Variants in CALD1 observed in about 807,000 individuals in gnomAD.
The protein encoded by CALD1 is caldesmon.
Under a neutral mutation model 99.9 loss-of-function variants are expected in CALD1, and 33 were observed. The observed-to-expected ratio is 0.33, with a 90% confidence interval of 0.25 to 0.44. The LOEUF (loss-of-function observed/expected upper bound fraction) is 0.44. CALD1 is among the 20% of genes least tolerant of loss of function. The probability of loss-of-function intolerance (pLI) is 1.00; values close to 1 mark genes in which losing one functional copy is unlikely to be tolerated. For synonymous variants in CALD1, 310 were observed against 325.0 expected, an observed-to-expected ratio of 0.95 and a Z score of 0.50; for missense variants, 861 against 962.1, an observed-to-expected ratio of 0.89 and a Z score of 1.39.
intron 1 of CALD1, among the ~76,000 whole-genome samples, chr7:134,808,359 C>T (rs1394284606): frequency 6.6e-6 from 1 of 152,202 alleles, no homozygotes; most frequent in Non-Finnish European, 1.5e-5. Context: ...CCTCCCAACT[C>T]GGCCTGCCAA....
the CALD1 span, among the ~76,000 whole-genome samples, chr7:134,737,991 C>T: frequency 3.9e-5 from 6 of 152,040 alleles, no homozygotes; most frequent in Non-Finnish European, 8.8e-5. Context: ...TGTTTTTTTC[C>T]ACAAAGAGAG....
chr7:134,832,724 G>C (rs1410736321), intron 1 of CALD1, among the ~76,000 whole-genome samples: 3 of 152,284 alleles, frequency 2.0e-5, no homozygotes, highest in African/African-American at 7.2e-5. Flanking sequence ...AACAACCTAA[G>C]TATCTGTGCA....
intron 9 of CALD1, among the ~76,000 whole-genome samples, chr7:134,950,954 A>G (rs1807290167): frequency 6.6e-6 from 1 of 152,174 alleles, no homozygotes; most frequent in African/African-American, 2.4e-5. Flanking sequence ...GCAAGATTCC[A>G]TCTCAAAATT....
intron 1 of CALD1, among the ~76,000 whole-genome samples, chr7:134,800,069 T>A (rs773745104): frequency 2.0e-5 from 3 of 152,064 alleles, no homozygotes; most frequent in Non-Finnish European, 4.4e-5. Context: ...TAAAAAAAGA[T>A]TGGTAAATTG....
At chr7:134,893,214 C>T (rs17168120) in intron 3 of CALD1, among the ~76,000 whole-genome samples, 20,359 of 151,976 alleles carry the variant, frequency 0.13, 1,749 homozygotes, top group African/African-American at 0.24. Flanking sequence ...TACCTCTCAC[C>T]GGGATGGTTG....
rs181863833 is a variant in CALD1, at chr7:134,859,373, C to T, written c.-41-8320C>T. Among the ~76,000 whole-genome samples, 192 of 152,276 alleles carry T rather than the reference C, an allele frequency of 1.3e-3. 1 individual carries two copies. Among genetic ancestry groups the T allele is most frequent in the African/African-American group, 4.2e-3 (174 of 41,560 alleles). On this transcript the variant is annotated intron_variant, in intron 2 of 14. Transcript: ENST00000361675. Reference sequence around the variant, plus strand: ...AATTTCCACCTTGCCTTAGGGTTTACGCTTGTGTCATTTGTTCTTCTCTAG... The same window carrying T: ...AATTTCCACCTTGCCTTAGGGTTTATGCTTGTGTCATTTGTTCTTCTCTAG...
the CALD1 span, among the ~76,000 whole-genome samples, chr7:134,720,826 G>T: frequency 6.6e-6 from 1 of 152,316 alleles, no homozygotes; most frequent in East Asian, 1.9e-4. Context: ...TCAGTAGGAG[G>T]CCTGAAGGGA....
intron 1 of CALD1, among the ~76,000 whole-genome samples, chr7:134,788,648 G>T (rs1028183227): frequency 5.3e-5 from 8 of 152,244 alleles, no homozygotes; most frequent in Middle Eastern, 3.4e-3. Flanking sequence ...GGCTTTTTCA[G>T]TGCTGTGATT....
At chr7:134,829,519 T>C (rs1799136982) in intron 1 of CALD1, among the ~76,000 whole-genome samples, 1 of 152,182 alleles carries the variant, frequency 6.6e-6, no homozygotes, top group Admixed American at 6.5e-5. Flanking sequence ...GACTCATTTC[T>C]GGTCTCTGTG....
intron 1 of CALD1, among the ~76,000 whole-genome samples, chr7:134,801,685 C>T (rs755827052): frequency 1.3e-5 from 2 of 152,110 alleles, no homozygotes; most frequent in Non-Finnish European, 2.9e-5. Flanking sequence ...CGTAGCACAG[C>T]CACGGCTCAC....
intron 2 of CALD1, among the ~76,000 whole-genome samples, chr7:134,861,789 A>G (rs539733164): frequency 1.8e-4 from 28 of 152,350 alleles, no homozygotes; most frequent in Non-Finnish European, 4.1e-4. Context: ...GGCTAGTCAG[A>G]GAGGACCTGT....
intron 1 of CALD1, among the ~76,000 whole-genome samples, chr7:134,782,037 C>T (rs1427610549): frequency 6.6e-6 from 1 of 152,170 alleles, no homozygotes; most frequent in Non-Finnish European, 1.5e-5. Flanking sequence ...GAATCTAGCC[C>T]AGGTATTCTC....
chr7:134,907,501 C>G (rs1173701992), intron 3 of CALD1, among the ~76,000 whole-genome samples: 1 of 152,052 alleles, frequency 6.6e-6, no homozygotes. Flanking sequence ...ACCAACCAAG[C>G]CCAACCCTTC....
At chr7:134,911,375 C>T (rs990823521) in intron 3 of CALD1, among the ~76,000 whole-genome samples, 3 of 152,054 alleles carry the variant, frequency 2.0e-5, no homozygotes, top group African/African-American at 4.8e-5. Context: ...AAACTTCCAA[C>T]AGAGTGTATG....
At chr7:134,896,910 C>T (rs532363445) in intron 3 of CALD1, among the ~76,000 whole-genome samples, 2 of 152,324 alleles carry the variant, frequency 1.3e-5, no homozygotes, top group African/African-American at 4.8e-5. Context: ...CTTCGTTTCT[C>T]CATACCAGCT....
chr7:134,859,847 C>T (rs1800485407), intron 2 of CALD1, among the ~76,000 whole-genome samples: 1 of 152,122 alleles, frequency 6.6e-6, no homozygotes, highest in Non-Finnish European at 1.5e-5. Context: ...ATACAAAAAC[C>T]ATCATTTCAC....
upstream of CALD1, among the ~76,000 whole-genome samples, chr7:134,741,236 T>C (rs182220260): frequency 3.9e-5 from 6 of 152,184 alleles, no homozygotes; most frequent in East Asian, 1.2e-3. Flanking sequence ...CTTACAGTTA[T>C]GGTGGAAAGG....
At chr7:134,718,238 C>T in the CALD1 span, among the ~76,000 whole-genome samples, 1 of 152,156 alleles carries the variant, frequency 6.6e-6, no homozygotes, top group African/African-American at 2.4e-5. Context: ...TGTGAATTTA[C>T]ACTATTAATA....
intron 1 of CALD1, among the ~76,000 whole-genome samples, chr7:134,789,581 A>T (rs990410462): frequency 6.6e-6 from 1 of 152,234 alleles, no homozygotes; most frequent in Admixed American, 6.5e-5. Context: ...TTGCACGTAC[A>T]TGATAGACAC....
Sources: gnomAD v4.1 joint callset for allele counts (sites outside exome capture counted in the v4.1 genomes callset) on GRCh38, gnomAD v4.1.1 for gene constraint, MANE v1.5 for transcripts, NCBI Gene and HGNC (gene_info 2026-07-23, HGNC 2026-07-21) for gene names.